Variants in SPECC1 observed in about 807,000 individuals in gnomAD.
The protein encoded by SPECC1 is sperm antigen with calponin homology and coiled-coil domains 1.
In SPECC1, 62 loss-of-function variants were observed where a neutral mutation model predicts 104.1. That is an observed-to-expected ratio of 0.60 (90% confidence interval 0.49 to 0.74). SPECC1 has a LOEUF of 0.74. SPECC1 is among the 30% of genes least tolerant of loss of function. SPECC1 has a pLI of 0.00. For synonymous variants in SPECC1, 513 were observed against 501.6 expected (o/e 1.02, Z -0.30); for missense variants, 1,306 against 1,310.5 (o/e 1.00, Z 0.05).
rs71357419 is a variant in SPECC1 at position 20,254,134 on chromosome 17, C to CGTGTGTGTGTGTGTGTGT, written c.2680+573_2680+590dup. ...TGCAGTCCTCTTCCTGTTGTTACAC[C>CGTGTGTGTGTGTGTGTGT]GTGTGTGTGTGTGTGTGTGTGTGTG... On this transcript the variant is annotated intron_variant, in intron 10 of 14. Coordinates refer to ENST00000395527, the MANE Select transcript of SPECC1 (RefSeq NM_001243439.2). Among the ~76,000 whole-genome samples, 467 of 135,958 alleles carry CGTGTGTGTGTGTGTGTGT rather than the reference C, an allele frequency of 3.4e-3. 6 individuals are homozygous for CGTGTGTGTGTGTGTGTGT. The highest frequency in any genetic ancestry group is 0.011 in the African/African-American group (377 of 33,736). 89.2% of individuals were successfully genotyped at this position (135,958 alleles called of 152,430 possible). A position where few individuals can be genotyped will look rare whatever the true frequency, so the allele number is the denominator to read the frequency against.
chr17:20,300,807 C>G (rs1447425771), intron 13 of SPECC1, among the ~76,000 whole-genome samples: 1 of 152,208 alleles, frequency 6.6e-6, no homozygotes, highest in Non-Finnish European at 1.5e-5. Context: ...GACCAATCAC[C>G]CGACCACCAG....
intron 3 of SPECC1, among the ~76,000 whole-genome samples, chr17:20,124,715 C>T (rs186732772): frequency 6.6e-5 from 10 of 152,120 alleles, no homozygotes; most frequent in East Asian, 3.8e-4. Flanking sequence ...CTTAACCTTC[C>T]GAACATCATA....
chr17:20,123,187 T>A (rs1173098190), intron 3 of SPECC1, among the ~76,000 whole-genome samples: 2 of 152,230 alleles, frequency 1.3e-5, no homozygotes, highest in Non-Finnish European at 2.9e-5. Flanking sequence ...ATTTAAAACA[T>A]TTTTAAAACC....
At chr17:20,029,473 T>C (rs1167554278) in intron 1 of SPECC1, among the ~76,000 whole-genome samples, 3 of 152,190 alleles carry the variant, frequency 2.0e-5, no homozygotes, top group African/African-American at 7.2e-5. Context: ...GTTCTTTTTT[T>C]TGGAGGAGTT....
intron 1 of SPECC1, among the ~76,000 whole-genome samples, chr17:20,070,328 GT>G (rs1306668738): frequency 6.6e-6 from 1 of 152,118 alleles, no homozygotes; most frequent in Non-Finnish European, 1.5e-5. Context: ...ATGAAAATCT[GT>G]TGGATTTTGT....
chr17:20,177,195 G>A (rs1234888319), intron 3 of SPECC1, among the ~76,000 whole-genome samples: 1 of 152,170 alleles, frequency 6.6e-6, no homozygotes, highest in Non-Finnish European at 1.5e-5. Context: ...CAATTTTGAG[G>A]AATAGTGAAA....
At position 20,162,070 on chromosome 17, in the gene SPECC1, C is replaced by T. The variant is rs143238862; in HGVS notation, c.284-42263C>T. Among the ~76,000 whole-genome samples the T allele has an allele frequency of 2.8e-4, 43 of 152,152 alleles. No individual in the cohort carries two copies. The East Asian group carries it at 5.8e-3, about 21-fold the overall frequency. ...TGGGCCTCCCAAATTGCTGGGATTA[C>T]AGGCATGAGCCACCGTGCCCTGCTC... On this transcript the variant is annotated intron_variant, in intron 3 of 14. Transcript: ENST00000395527.
At chr17:20,158,761 T>G (rs2032849054) in intron 3 of SPECC1, among the ~76,000 whole-genome samples, 1 of 152,170 alleles carries the variant, frequency 6.6e-6, no homozygotes, top group Non-Finnish European at 1.5e-5. Flanking sequence ...CGGTTTTTTT[T>G]GTTCTGTTTT....
At chr17:20,127,255 T>C (rs2049356534) in intron 3 of SPECC1, among the ~76,000 whole-genome samples, 1 of 152,174 alleles carries the variant, frequency 6.6e-6, no homozygotes, top group Non-Finnish European at 1.5e-5. Flanking sequence ...GTAACTTTGT[T>C]TCATAGGTGC....
intron 3 of SPECC1, among the ~76,000 whole-genome samples, chr17:20,167,535 G>A (rs533302821): frequency 2.6e-5 from 4 of 152,104 alleles, no homozygotes; most frequent in Non-Finnish European, 4.4e-5. Flanking sequence ...AAAATTAGAC[G>A]GGCATAGTGG....
intron 14 of SPECC1, among the ~76,000 whole-genome samples, chr17:20,311,989 C>T (rs1212720984): frequency 6.6e-6 from 1 of 152,116 alleles, no homozygotes; most frequent in Non-Finnish European, 1.5e-5. Flanking sequence ...GCCTTGTGTT[C>T]CTGGGATGAA....
At chr17:20,200,981 T>C (rs2036394413) in intron 3 of SPECC1, among the ~76,000 whole-genome samples, 2 of 152,122 alleles carry the variant, frequency 1.3e-5, no homozygotes. Flanking sequence ...AAATATACTT[T>C]AGTTTCATGG....
intron 1 of SPECC1, among the ~76,000 whole-genome samples, chr17:20,031,093 C>G (rs1273210701): frequency 6.6e-6 from 1 of 152,146 alleles, no homozygotes; most frequent in Non-Finnish European, 1.5e-5. Context: ...CTCCTGGGTT[C>G]AAGCAATTCT....
At chr17:20,168,768 TG>T (rs1202200530) in intron 3 of SPECC1, among the ~76,000 whole-genome samples, 20 of 152,344 alleles carry the variant, frequency 1.3e-4, no homozygotes, top group African/African-American at 4.1e-4. Flanking sequence ...GATATATATG[TG>T]TGTGCTTGTA....
At chr17:20,290,132 G>A (rs1406301161) in intron 12 of SPECC1, 1 of 151,886 alleles carries the variant, frequency 6.6e-6, no homozygotes, top group Admixed American at 6.6e-5. Context: ...CTGTCCTGAG[G>A]CACTGGACTC....
intron 4 of SPECC1, among the ~76,000 whole-genome samples, chr17:20,217,670 C>T (rs1040640176): frequency 5.3e-5 from 8 of 152,190 alleles, no homozygotes; most frequent in African/African-American, 1.9e-4. Flanking sequence ...ATGCAAGACT[C>T]AAAAGCCACC....
chr17:20,041,326 T>C (rs2045318632), intron 1 of SPECC1, among the ~76,000 whole-genome samples: 1 of 151,506 alleles, frequency 6.6e-6, no homozygotes, highest in Non-Finnish European at 1.5e-5. Flanking sequence ...CACCGCAACC[T>C]CCACCTCCTG....
At chr17:20,306,804 G>A (rs2041781244) in intron 14 of SPECC1, among the ~76,000 whole-genome samples, 2 of 152,192 alleles carry the variant, frequency 1.3e-5, no homozygotes, top group African/African-American at 4.8e-5. Flanking sequence ...GGAAGCCCCT[G>A]GGCTGATACT....
Position 20,227,491 on chromosome 17 carries a change from C to T in SPECC1, c.1942C>T (p.Gln648Ter). 3 of 1,612,966 alleles carry T rather than the reference C, an allele frequency of 1.9e-6. No individual in the cohort carries two copies. Among genetic ancestry groups the T allele is most frequent in the Non-Finnish European group, 2.5e-6 (3 of 1,179,754 alleles). The change falls in exon 5 of 15, where the codon CAA (glutamine) becomes TAA (stop). Residue 648 changes from glutamine to a stop codon, truncating the protein, a stop_gained. Coordinates refer to ENST00000395527, the MANE Select transcript of SPECC1 (RefSeq NM_001243439.2). LOFTEE classifies it high-confidence loss of function. The stretch of plus-strand genomic sequence containing the variant: ...GCTGAGCAGAACCAGCCTAAAGCTG[C>T]AAGAAAAAGCATCAGAGAGTGATGC... ...EQLSRTSLKL[Q>*]EKASESDAEI... is the part of the protein sequence containing the mutation.
Sources: allele counts gnomAD v4.1 joint callset (sites outside exome capture counted in the v4.1 genomes callset), GRCh38; gene constraint gnomAD v4.1.1; transcripts MANE v1.5; gene names NCBI Gene and HGNC (gene_info 2026-07-23, HGNC 2026-07-21).